ZCCHC24: variants seen among roughly 807,000 people sequenced by gnomAD.
ZCCHC24 encodes the protein zinc finger CCHC domain-containing protein 24.
ZCCHC24 carries 10 observed loss-of-function variants against 26.2 expected under a neutral mutation model. The observed-to-expected ratio is 0.38, with a 90% CI of 0.24 to 0.65. ZCCHC24 has a LOEUF of 0.65. Among genes scored for constraint, ZCCHC24 ranks in the 30% least tolerant of loss-of-function variants. The probability of loss-of-function intolerance (pLI) is 0.54; values close to 1 mark genes in which losing one functional copy is unlikely to be tolerated. For missense variants in ZCCHC24, 243 were observed against 329.1 expected (o/e 0.74, Z 2.03); for synonymous variants, 144 against 147.1 (o/e 0.98, Z 0.15).
chr10:79,413,309 G>A (rs1182262486), intron 2 of ZCCHC24, among the ~76,000 whole-genome samples: 1 of 152,250 alleles, frequency 6.6e-6, no homozygotes, highest in Admixed American at 6.5e-5. Context: ...CAGTGAGTGA[G>A]TGGCGGGACC....
chr10:79,436,753 G>T (rs946134990), intron 1 of ZCCHC24, among the ~76,000 whole-genome samples: 6 of 152,354 alleles, frequency 3.9e-5, no homozygotes, highest in Middle Eastern at 3.4e-3. Context: ...TCCATGGGCC[G>T]AGTGGAGGGG....
At chr10:79,427,753 C>T (rs1192337996) in intron 2 of ZCCHC24, among the ~76,000 whole-genome samples, 2 of 152,074 alleles carry the variant, frequency 1.3e-5, no homozygotes, top group Non-Finnish European at 2.9e-5. Context: ...ATGGATCATG[C>T]CTGTAATCCC....
At chr10:79,399,774 C>A (rs1589662304) in intron 2 of ZCCHC24, among the ~76,000 whole-genome samples, 1 of 152,132 alleles carries the variant, frequency 6.6e-6, no homozygotes, top group African/African-American at 2.4e-5. Context: ...GTGGGAGGGG[C>A]CCCCCGGGCA....
At chr10:79,391,802 G>A (rs753513584) in intron 3 of ZCCHC24, among the ~76,000 whole-genome samples, 2 of 151,134 alleles carry the variant, frequency 1.3e-5, no homozygotes, top group Admixed American at 6.6e-5. Flanking sequence ...CTCCCGGAGC[G>A]CTCTCCCCTC....
chr10:79,424,829 G>A (rs955911657), intron 2 of ZCCHC24, among the ~76,000 whole-genome samples: 3 of 152,098 alleles, frequency 2.0e-5, no homozygotes, highest in Non-Finnish European at 4.4e-5. Context: ...TTATTTACAC[G>A]CTTGCTTGGA....
chr10:79,428,298 A>G lies in ZCCHC24; in HGVS notation c.447+4260T>C, dbSNP rs562947211. On this transcript the variant is annotated intron_variant, in intron 2 of 3. Coordinates refer to ENST00000372336, the MANE Select transcript of ZCCHC24 (RefSeq NM_153367.4). ...ACAAACGCCATGTGATTCCACTTAT[A>G]TGAGGTATTTAGAGTAGTCAAATTC... Among the ~76,000 whole-genome samples, 5 of 152,344 alleles carry G rather than the reference A, an allele frequency of 3.3e-5. No homozygotes were observed. In the East Asian group the frequency reaches 9.6e-4, roughly 29 times the overall value.
chr10:79,430,892 T>C (rs1022626356), intron 2 of ZCCHC24, among the ~76,000 whole-genome samples: 8 of 152,198 alleles, frequency 5.3e-5, no homozygotes, highest in African/African-American at 1.9e-4. Flanking sequence ...GAGTGTCACC[T>C]GCCTGCCTGG....
At chr10:79,407,885 C>T (rs575350793) in intron 2 of ZCCHC24, among the ~76,000 whole-genome samples, 8 of 152,194 alleles carry the variant, frequency 5.3e-5, no homozygotes, top group East Asian at 3.9e-4. Context: ...GCAAGACCGG[C>T]GGTGGTGTCA....
At chr10:79,430,707 C>CACACAT (rs1374991985) in intron 2 of ZCCHC24, among the ~76,000 whole-genome samples, 77 of 151,902 alleles carry the variant, frequency 5.1e-4, no homozygotes, top group Middle Eastern at 3.4e-3. Flanking sequence ...CACACACACA[C>CACACAT]ACACACCCTC....
At chr10:79,387,837 C>T (rs1351381690) in intron 3 of ZCCHC24, among the ~76,000 whole-genome samples, 1 of 152,192 alleles carries the variant, frequency 6.6e-6, no homozygotes, top group Non-Finnish European at 1.5e-5. Flanking sequence ...GGTGGGGAGA[C>T]TGTGGTGGGA....
rs190128238 is a variant in ZCCHC24 at position 79,389,154 on chromosome 10, C to T, written c.613-2696G>A. Among the ~76,000 whole-genome samples, 338 of 152,316 alleles carry T rather than the reference C, an allele frequency of 2.2e-3. 2 individuals are homozygous for T. Among genetic ancestry groups the T allele is most frequent in the African/African-American group, 7.7e-3 (322 of 41,568 alleles). On this transcript the variant is annotated intron_variant, in intron 3 of 3. Transcript: ENST00000372336. ...ATGGAGGGGAACGTGTCTTCACAGGCACAGCGCTCTCCCCTGGGAATTCAC... is the reference window on the plus strand; with the variant it reads ...ATGGAGGGGAACGTGTCTTCACAGGTACAGCGCTCTCCCCTGGGAATTCAC...
chr10:79,429,519 T>C (rs1190590862), intron 2 of ZCCHC24, among the ~76,000 whole-genome samples: 1 of 152,092 alleles, frequency 6.6e-6, no homozygotes, highest in African/African-American at 2.4e-5. Context: ...AGGTGGAGGT[T>C]GCAGTGAGCC....
At chr10:79,413,471 G>A (rs1856818654) in intron 2 of ZCCHC24, among the ~76,000 whole-genome samples, 1 of 152,250 alleles carries the variant, frequency 6.6e-6, no homozygotes, top group Non-Finnish European at 1.5e-5. Context: ...CGGGGGCAGG[G>A]GGAGCCTCTC....
At chr10:79,412,260 G>A (rs146681146) in intron 2 of ZCCHC24, among the ~76,000 whole-genome samples, 84 of 152,368 alleles carry the variant, frequency 5.5e-4, no homozygotes, top group African/African-American at 1.9e-3. Context: ...GCAGACCCAT[G>A]GCTCCAGAAC....
chr10:79,423,717 C>T (rs1856987713), intron 2 of ZCCHC24, among the ~76,000 whole-genome samples: 1 of 149,592 alleles, frequency 6.7e-6, no homozygotes, highest in Non-Finnish European at 1.5e-5. Context: ...TACAAATAGG[C>T]AAATAGAAAC....
At chr10:79,406,664 C>T (rs1408075645) in intron 2 of ZCCHC24, among the ~76,000 whole-genome samples, 1 of 152,214 alleles carries the variant, frequency 6.6e-6, no homozygotes, top group Non-Finnish European at 1.5e-5. Context: ...CCAGCCATTT[C>T]ATCCTCCCTG....
At chr10:79,386,961 A>G (rs60004047) in intron 3 of ZCCHC24, among the ~76,000 whole-genome samples, 4,295 of 152,042 alleles carry the variant, frequency 0.028, 221 homozygotes, top group African/African-American at 0.099. Flanking sequence ...ACATCTCCCG[A>G]CCCCAGCATC....
intron 1 of ZCCHC24, among the ~76,000 whole-genome samples, chr10:79,437,084 G>A (rs1271689205): frequency 6.6e-6 from 1 of 152,142 alleles, no homozygotes; most frequent in Non-Finnish European, 1.5e-5. Flanking sequence ...TTCTTACTCT[G>A]TCACCCAGGC....
At chr10:79,397,071 G>A (rs562131214) in intron 2 of ZCCHC24, among the ~76,000 whole-genome samples, 26 of 152,320 alleles carry the variant, frequency 1.7e-4, no homozygotes, top group South Asian at 6.2e-4. Flanking sequence ...TGTCCCAGGC[G>A]CCATTACTAC....
Sources: gnomAD v4.1 joint callset for allele counts (sites outside exome capture counted in the v4.1 genomes callset) on GRCh38, gnomAD v4.1.1 for gene constraint, MANE v1.5 for transcripts, NCBI Gene and HGNC (gene_info 2026-07-23, HGNC 2026-07-21) for gene names.